RETREG3: variants seen among roughly 807,000 people sequenced by gnomAD.
RETREG3 encodes reticulophagy regulator family member 3, also known as reticulophagy regulator 3.
Under a neutral mutation model 50.2 loss-of-function variants are expected in RETREG3, and 23 were observed. That is an observed-to-expected ratio of 0.46 (90% CI 0.33 to 0.65). The LOEUF is 0.65. RETREG3 is among the 30% of genes least tolerant of loss of function. RETREG3 has a pLI of 0.02. For synonymous variants in RETREG3, 240 were observed against 234.4 expected (o/e 1.02, Z -0.22); for missense variants, 546 against 598.0 (o/e 0.91, Z 0.91).
intron 2 of RETREG3, among the ~76,000 whole-genome samples, chr17:42,589,106 C>CAA (rs58887647): frequency 0.018 from 2,372 of 132,798 alleles, 69 homozygotes; most frequent in African/African-American, 0.059. Flanking sequence ...TGTCTCTAAC[C>CAA]AAAAAAAAAA....
At position 42,594,371 on chromosome 17, in the gene RETREG3, C is replaced by T. The variant is rs192551255; in HGVS notation, c.240-2209G>A. Among the ~76,000 whole-genome samples the T allele has an allele frequency of 3.4e-4, 52 of 152,248 alleles. 1 individual carries two copies. The East Asian group carries it at 9.3e-3, about 27-fold the overall frequency. ...AGGAGTTCAAAACCAGCCTGGACAACATGGCGAAACCCTGTCTCTACTAAA... is the reference window on the plus strand; with the variant it reads ...AGGAGTTCAAAACCAGCCTGGACAATATGGCGAAACCCTGTCTCTACTAAA... On this transcript the variant is annotated intron_variant, in intron 1 of 8. Transcript: ENST00000309428.
chr17:42,583,453 G>T, intron 7 of RETREG3, 45 bp downstream of exon 7: 3 of 1,591,932 alleles, frequency 1.9e-6, no homozygotes, highest in Non-Finnish European at 2.6e-6. Flanking sequence ...TTAAAAGGTA[G>T]CTAAAGAAAA....
chr17:42,587,005 C>A, intron 3 of RETREG3, 114 bp from the exon 4 acceptor site: 1 of 1,408,294 alleles, frequency 7.1e-7, no homozygotes, highest in Non-Finnish European at 9.6e-7. Flanking sequence ...GTGACTAGGC[C>A]CAGGTGCTTT....
chr17:42,585,008 C>T lies in RETREG3; in HGVS notation c.727+117G>A, dbSNP rs1280070319. On this transcript the variant is annotated intron_variant, in intron 6 of 8. Transcript: ENST00000309428. ...ATCATTTTTACCTATCAATCCTCAC[C>T]CCCACCAACTACCCCCGACTTCCAC... 6.2e-6 allele frequency: 8 copies of T among 1,287,026 alleles called. No homozygotes were observed. In the East Asian group the frequency reaches 1.2e-4, roughly 19 times the overall value. The allele number at this position is 1,287,026 out of a possible 1,614,324, so 79.7% of individuals were successfully genotyped here.
chr17:42,592,297 T>A, intron 1 of RETREG3, 135 bp from the exon 2 acceptor site: 1 of 643,572 alleles, frequency 1.6e-6, no homozygotes, highest in Non-Finnish European at 2.7e-6. Context: ...CTTAACTAGT[T>A]ATACACCTAG....
chr17:42,604,742 A>G (rs1354123919), intron 1 of RETREG3, among the ~76,000 whole-genome samples: 2 of 149,882 alleles, frequency 1.3e-5, no homozygotes, highest in Non-Finnish European at 3.0e-5. Context: ...GCAGTTATGT[A>G]GGCCTCCTTG....
At position 42,583,556 on chromosome 17, in the gene RETREG3, T is replaced by G. The variant is rs773787268; in HGVS notation, c.752A>C (p.Glu251Ala). ...GTCACTGTGGTTGTCCATGGCTCGT[T>G]CTGGGTGGAGAGCTCTGCGGCGTAC... ...RQLRRRALHP[E>A]RAMDNHSDSE... is the part of the protein sequence containing the mutation. The change falls in exon 7 of 9, where the codon GAA becomes GCA. Residue 251 changes from glutamate to alanine, a missense_variant. Physicochemically the swap from Glu to Ala is moderately radical, Grantham distance 107. Transcript: ENST00000309428. 13 of 1,613,702 alleles carry G rather than the reference T, an allele frequency of 8.1e-6. No homozygotes were observed. The highest frequency in any genetic ancestry group is 1.1e-5 in the South Asian group (1 of 91,076).
intron 1 of RETREG3, among the ~76,000 whole-genome samples, chr17:42,600,281 G>A (rs1004044175): frequency 2.0e-5 from 3 of 152,106 alleles, no homozygotes; most frequent in Admixed American, 2.0e-4. Context: ...TACTTGGGAA[G>A]CTGAGGTGGG....
At chr17:42,588,636 C>T (rs970924075) in intron 2 of RETREG3, among the ~76,000 whole-genome samples, 4 of 151,820 alleles carry the variant, frequency 2.6e-5, no homozygotes, top group African/African-American at 9.7e-5. Context: ...GCGTGAGCTA[C>T]CGTACCCAGC....
intron 1 of RETREG3, among the ~76,000 whole-genome samples, chr17:42,605,976 G>C (rs1032420217): frequency 7.4e-6 from 1 of 135,388 alleles, no homozygotes. Context: ...GGGTGACAGA[G>C]CGAGACTCCA....
rs1396777363 is a variant in RETREG3, at chr17:42,582,671, C to T, written c.943+3G>A. 1.2e-6 allele frequency: 2 copies of T among 1,614,022 alleles called. No individual in the cohort carries two copies. Among genetic ancestry groups the T allele is most frequent in the Non-Finnish European group, 1.7e-6 (2 of 1,180,010 alleles). Reference sequence around the variant, plus strand: ...ATCAACTGAGGTCAAAGGCTCCCCTCACCTTCAGAGCCTTCCGTTAGAGGT... The same window carrying T: ...ATCAACTGAGGTCAAAGGCTCCCCTTACCTTCAGAGCCTTCCGTTAGAGGT... On this transcript the variant is annotated splice_donor_region_variant and intron_variant, in intron 8 of 8. Transcript: ENST00000309428.
At position 42,580,598 on chromosome 17, in the gene RETREG3, G is replaced by C. The variant is rs2093105402; in HGVS notation, c.*1215C>G. ...CCCTGGGCCAAGGTAATGTAGAAGA[G>C]GCCCATCCCCACATCATATTCACAT... On this transcript the variant is annotated 3_prime_UTR_variant, in exon 9 of 9. Transcript: ENST00000309428. 1 of 152,666 alleles carries C rather than the reference G, an allele frequency of 6.6e-6. No homozygotes were observed. Among genetic ancestry groups the C allele is most frequent in the African/African-American group, 2.4e-5 (1 of 41,386 alleles). 9.5% of individuals were successfully genotyped at this position (152,666 alleles called of 1,614,324 possible). A position where few individuals can be genotyped will look rare whatever the true frequency, so the allele number is the denominator to read the frequency against.
chr17:42,582,546 G>T, intron 8 of RETREG3, 128 bp downstream of exon 8: 1 of 1,415,574 alleles, frequency 7.1e-7, no homozygotes, highest in Non-Finnish European at 9.6e-7. Flanking sequence ...CAGCACTCAG[G>T]CTGCTCTGCC....
chr17:42,585,474 G>A (rs1485595112), intron 5 of RETREG3, among the ~76,000 whole-genome samples: 2 of 152,216 alleles, frequency 1.3e-5, no homozygotes, highest in Non-Finnish European at 2.9e-5. Context: ...CCTACTGCAG[G>A]GTTGTGCACA....
intron 1 of RETREG3, among the ~76,000 whole-genome samples, chr17:42,595,701 CTT>C (rs1301680862): frequency 8.0e-6 from 1 of 125,200 alleles, no homozygotes; most frequent in Non-Finnish European, 1.6e-5. Context: ...GAGTCTCTCT[CTT>C]GGTCGCCCAG....
intron 1 of RETREG3, among the ~76,000 whole-genome samples, chr17:42,606,045 C>T (rs191557283): frequency 5.3e-5 from 8 of 150,180 alleles, no homozygotes; most frequent in Non-Finnish European, 1.0e-4. Context: ...CTCTCTCCTG[C>T]ACCTTCTTAA....
At chr17:42,608,971 G>A (rs1300763878) in intron 1 of RETREG3, 115 bp downstream of exon 1, 1 of 1,080,970 alleles carries the variant, frequency 9.3e-7, no homozygotes, top group South Asian at 1.6e-5. Context: ...GCAAAATTAG[G>A]CAAGTACAGG....
chr17:42,591,778 G>A (rs2093133768), intron 2 of RETREG3, among the ~76,000 whole-genome samples: 1 of 152,116 alleles, frequency 6.6e-6, no homozygotes, highest in Non-Finnish European at 1.5e-5. Flanking sequence ...TTTTTCATTT[G>A]AGGACTACTT....
rs182764858 is a variant in RETREG3 at position 42,593,626 on chromosome 17, C to A, written c.240-1464G>T. On this transcript the variant is annotated intron_variant, in intron 1 of 8. Transcript: ENST00000309428. ...TCGCGCCACTGCACTCCAGCCTGGGCGACAGAGCAAGACTCCGTCTCAAAA... is the reference window on the plus strand; with the variant it reads ...TCGCGCCACTGCACTCCAGCCTGGGAGACAGAGCAAGACTCCGTCTCAAAA... 8.6e-3 allele frequency among the ~76,000 whole-genome samples: 1,076 copies of A among 124,734 alleles called. 49 individuals carry two copies. The Admixed American group carries it at 0.092, about 11-fold the overall frequency. The allele number at this position is 124,734 out of a possible 152,430, so 81.8% of individuals were successfully genotyped here. A position where few individuals can be genotyped will look rare whatever the true frequency, so the allele number is the denominator to read the frequency against.
Sources: gnomAD v4.1 joint callset for allele counts (sites outside exome capture counted in the v4.1 genomes callset) on GRCh38, gnomAD v4.1.1 for gene constraint, MANE v1.5 for transcripts, NCBI Gene and HGNC (gene_info 2026-07-23, HGNC 2026-07-21) for gene names.